The following AMD1 variants were observed in gnomAD, a reference collection of about 807,000 sequenced individuals.
The protein encoded by AMD1 is S-adenosylmethionine decarboxylase proenzyme.
In AMD1, 11 loss-of-function variants were observed where a neutral mutation model predicts 40.2. That is an observed-to-expected ratio of 0.27 (90% CI 0.17 to 0.45). The LOEUF (loss-of-function observed/expected upper bound fraction) is 0.45. AMD1 is among the 20% of genes least tolerant of loss of function. The probability of loss-of-function intolerance (pLI) is 1.00; values close to 1 mark genes in which losing one functional copy is unlikely to be tolerated. For missense variants in AMD1, 257 were observed against 410.2 expected (o/e 0.63, Z 3.23); for synonymous variants, 121 against 130.8 (o/e 0.93, Z 0.51).
the AMD1 span, among the ~76,000 whole-genome samples, chr6:110,818,986 A>G: frequency 6.6e-6 from 1 of 152,194 alleles, no homozygotes; most frequent in East Asian, 1.9e-4. Context: ...GTATTAAGCA[A>G]ATTCTCTGAC....
intron 1 of AMD1, among the ~76,000 whole-genome samples, chr6:110,877,217 TATTGGTAGTAC>T (rs1467736347): frequency 2.0e-5 from 3 of 152,246 alleles, no homozygotes; most frequent in Non-Finnish European, 4.4e-5. Context: ...ATTGAACAAC[TATTGGTAGTAC>T]ACTGCCACAT....
intron 1 of AMD1, among the ~76,000 whole-genome samples, chr6:110,884,609 T>C (rs1175732274): frequency 6.6e-6 from 1 of 152,122 alleles, no homozygotes; most frequent in Non-Finnish European, 1.5e-5. Context: ...GCCTTTTTTC[T>C]TTTTAAGAGA....
the AMD1 span, among the ~76,000 whole-genome samples, chr6:110,840,992 A>G: frequency 6.6e-6 from 1 of 152,148 alleles, no homozygotes; most frequent in Non-Finnish European, 1.5e-5. Flanking sequence ...TATTCCCTTA[A>G]CAATCCTGCA....
intron 1 of AMD1, among the ~76,000 whole-genome samples, chr6:110,886,256 G>A (rs1465590736): frequency 6.6e-6 from 1 of 151,374 alleles, no homozygotes; most frequent in East Asian, 1.9e-4. Flanking sequence ...CCATTTTTAT[G>A]AGTGTAGAGC....
At chr6:110,879,225 G>T (rs939100047) in intron 1 of AMD1, among the ~76,000 whole-genome samples, 8 of 152,138 alleles carry the variant, frequency 5.3e-5, no homozygotes, top group African/African-American at 1.9e-4. Context: ...CCTGGTGCGT[G>T]TCTGCATCCC....
intron 3 of AMD1, chr6:110,889,728 G>T (rs200625930): frequency 1.3e-5 from 2 of 152,654 alleles, no homozygotes; most frequent in Non-Finnish European, 2.9e-5. Flanking sequence ...GATTGCAGGC[G>T]TGAGCCACTG....
At chr6:110,862,417 T>C in the AMD1 span, among the ~76,000 whole-genome samples, 1 of 151,422 alleles carries the variant, frequency 6.6e-6, no homozygotes, top group Admixed American at 6.6e-5. Context: ...AGTTTCCTTC[T>C]ACTTCCTGCA....
the AMD1 span, among the ~76,000 whole-genome samples, chr6:110,824,656 C>T: frequency 2.0e-5 from 3 of 152,000 alleles, no homozygotes; most frequent in Non-Finnish European, 4.4e-5. Context: ...TTTTTGGTAA[C>T]ATTCAAACAT....
chr6:110,870,917 T>C (rs1292254879), upstream of AMD1, among the ~76,000 whole-genome samples: 3 of 152,254 alleles, frequency 2.0e-5, no homozygotes, highest in Non-Finnish European at 4.4e-5. Context: ...CTTTGAGTTA[T>C]TGTATTTGGG....
the AMD1 span, among the ~76,000 whole-genome samples, chr6:110,857,517 G>C: frequency 7.7e-6 from 1 of 129,414 alleles, no homozygotes. Context: ...TGGGCAACAA[G>C]TGAAACTCTG....
chr6:110,864,647 G>A, the AMD1 span, among the ~76,000 whole-genome samples: 21,644 of 152,070 alleles, frequency 0.14, 1,674 homozygotes, highest in East Asian at 0.31. Flanking sequence ...TCATGGGGTC[G>A]GACCCCAACA....
At chr6:110,853,455 G>A in the AMD1 span, among the ~76,000 whole-genome samples, 5 of 151,918 alleles carry the variant, frequency 3.3e-5, no homozygotes, top group African/African-American at 7.3e-5. Context: ...CTACAGGCGC[G>A]AGCCACCATG....
In AMD1 at chr6:110,887,682, G is replaced by T. The variant is rs920979763; in HGVS notation, c.197+91G>T. 3.4e-4 allele frequency: 322 copies of T among 948,274 alleles called. 2 individuals carry two copies. The highest frequency in any genetic ancestry group is 9.4e-4 in the Middle Eastern group (4 of 4,260). The allele number at this position is 948,274 out of a possible 1,614,324, so 58.7% of individuals were successfully genotyped here. On this transcript the variant is annotated intron_variant, in intron 2 of 8. Coordinates refer to ENST00000368885, the MANE Select transcript of AMD1 (RefSeq NM_001634.6). ...GTTCCTCTCAGTTGTAGTTCTGGGG[G>T]TTTTTTTGTTTTGTTTTGTTTTTTT... is the stretch of plus-strand genomic sequence containing the variant.
At chr6:110,876,139 G>T (rs2115269540) in intron 1 of AMD1, among the ~76,000 whole-genome samples, 1 of 152,356 alleles carries the variant, frequency 6.6e-6, no homozygotes, top group Middle Eastern at 3.4e-3. Flanking sequence ...AGATACTTGG[G>T]CTGACCGCGC....
chr6:110,863,845 G>T, the AMD1 span: 3 of 396,686 alleles, frequency 7.6e-6, no homozygotes, highest in Non-Finnish European at 1.5e-5. Flanking sequence ...TTCATTGAAG[G>T]CCTGGTGAGA....
upstream of AMD1, among the ~76,000 whole-genome samples, chr6:110,870,626 A>G (rs568557998): frequency 6.6e-6 from 1 of 152,202 alleles, no homozygotes; most frequent in Non-Finnish European, 1.5e-5. Flanking sequence ...CCTGCCTCAA[A>G]ACAAAAACAA....
the AMD1 span, among the ~76,000 whole-genome samples, chr6:110,840,206 C>A: frequency 6.6e-6 from 1 of 151,944 alleles, no homozygotes. Context: ...CTAAGTTGTT[C>A]ATAGTTCCAG....
At chr6:110,861,138 CA>C in the AMD1 span, among the ~76,000 whole-genome samples, 15 of 152,110 alleles carry the variant, frequency 9.9e-5, no homozygotes, top group African/African-American at 3.6e-4. Flanking sequence ...GTGGGCGGAT[CA>C]CGAGGTCAGG....
intron 4 of AMD1, 95 bp from the exon 5 acceptor site, chr6:110,892,066 A>C: frequency 7.2e-7 from 1 of 1,390,534 alleles, no homozygotes; most frequent in South Asian, 1.2e-5. Flanking sequence ...AATAAGTGGC[A>C]AATAGTATCA....
Sources: allele counts gnomAD v4.1 joint callset (sites outside exome capture counted in the v4.1 genomes callset), GRCh38; gene constraint gnomAD v4.1.1; transcripts MANE v1.5; gene names NCBI Gene and HGNC (gene_info 2026-07-23, HGNC 2026-07-21).